The following USP33 variants were observed in gnomAD, a reference collection of about 807,000 sequenced individuals.
The protein encoded by USP33 is ubiquitin carboxyl-terminal hydrolase 33.
USP33 carries 46 observed loss-of-function variants against 124.2 expected under a neutral mutation model. The ratio of observed to expected loss-of-function variants is 0.37; its 90% CI spans 0.29 to 0.47. USP33 has a LOEUF of 0.47. Ranked by LOEUF, USP33 falls within the 20% of genes least tolerant of loss-of-function variation. The probability of loss-of-function intolerance (pLI) is 0.99; values close to 1 mark genes in which losing one functional copy is unlikely to be tolerated. For missense variants in USP33, 851 were observed against 1,070.6 expected, an observed-to-expected ratio of 0.79 and a Z score of 2.86; for synonymous variants, 350 against 352.3, an observed-to-expected ratio of 0.99 and a Z score of 0.07.
intron 21 of USP33, 175 bp downstream of exon 21, chr1:77,711,572 A>G (rs930559790): frequency 2.9e-5 from 29 of 1,016,064 alleles, no homozygotes; most frequent in Non-Finnish European, 3.8e-5. Flanking sequence ...AAGGGAGAAC[A>G]TAACTCAACA....
chr1:77,737,264 G>A (rs1354576172), intron 5 of USP33, among the ~76,000 whole-genome samples: 1 of 152,142 alleles, frequency 6.6e-6, no homozygotes, highest in Non-Finnish European at 1.5e-5. Flanking sequence ...CTAAAATGCA[G>A]GCATATGCAC....
intron 11 of USP33, among the ~76,000 whole-genome samples, chr1:77,725,391 T>C (rs1677048089): frequency 6.6e-6 from 1 of 152,214 alleles, no homozygotes; most frequent in Non-Finnish European, 1.5e-5. Context: ...GCTGCAAGTG[T>C]TAAAATTCAT....
At chr1:77,713,679 G>A (rs1333595753) in intron 19 of USP33, among the ~76,000 whole-genome samples, 1 of 149,362 alleles carries the variant, frequency 6.7e-6, no homozygotes, top group Admixed American at 6.7e-5. Context: ...TTAGAGGCAT[G>A]AGCCATTGTG....
chr1:77,752,391 G>A (rs759101006), intron 1 of USP33, among the ~76,000 whole-genome samples: 1 of 151,872 alleles, frequency 6.6e-6, no homozygotes, highest in Non-Finnish European at 1.5e-5. Flanking sequence ...CACCCACCTC[G>A]GCCTCCCAAA....
chr1:77,758,876 C>A (rs1681053570), intron 1 of USP33, among the ~76,000 whole-genome samples: 1 of 152,176 alleles, frequency 6.6e-6, no homozygotes, highest in South Asian at 2.1e-4. Flanking sequence ...CAGAATTTCA[C>A]CCTCTGGCTC....
intron 11 of USP33, among the ~76,000 whole-genome samples, chr1:77,724,417 T>C (rs768560332): frequency 6.6e-6 from 1 of 152,228 alleles, no homozygotes; most frequent in Admixed American, 6.5e-5. Flanking sequence ...TAATGGATCA[T>C]GCTTTTAATG....
intron 1 of USP33, among the ~76,000 whole-genome samples, chr1:77,753,795 T>C (rs1680559479): frequency 6.7e-6 from 1 of 150,134 alleles, no homozygotes; most frequent in East Asian, 1.9e-4. Context: ...TAATATATAA[T>C]ATTTTAAACT....
chr1:77,754,127 C>CACAGAGGTTGGGTAACTGTCAG (rs1680590061), intron 1 of USP33, among the ~76,000 whole-genome samples: 1 of 152,130 alleles, frequency 6.6e-6, no homozygotes, highest in South Asian at 2.1e-4. Flanking sequence ...ATAATTGTTA[C>CACAGAGGTTGGGTAACTGTCAG]ACAGAGGTTG....
chr1:77,704,454 A>G (rs1674391857), intron 21 of USP33, among the ~76,000 whole-genome samples: 1 of 152,210 alleles, frequency 6.6e-6, no homozygotes, highest in South Asian at 2.1e-4. Context: ...TTTGGTATTA[A>G]GAAGTTACTT....
At position 77,748,713 on chromosome 1, in the gene USP33, T is replaced by C. The variant is rs1381482772; in HGVS notation, c.-51-6965A>G. Among the ~76,000 whole-genome samples the C allele has an allele frequency of 3.3e-5, 5 of 151,786 alleles. No homozygotes were observed. The East Asian group carries it at 7.7e-4, about 23-fold the overall frequency. On this transcript the variant is annotated intron_variant, in intron 1 of 23. Transcript: ENST00000370794. The stretch of plus-strand genomic sequence containing the variant: ...GGTCTTGATGAACTATGGCTAATAT[T>C]GTATTTAGAAATTTTGCATTTCTGG...
intron 16 of USP33, 84 bp downstream of exon 16, chr1:77,718,512 A>G: frequency 1.8e-6 from 2 of 1,103,304 alleles, no homozygotes; most frequent in Non-Finnish European, 2.7e-6. Flanking sequence ...AACCAAGCAA[A>G]GAGAATTTAT....
At chr1:77,741,570 A>G in intron 2 of USP33, 47 bp downstream of exon 2, 1 of 1,556,870 alleles carries the variant, frequency 6.4e-7, no homozygotes, top group Non-Finnish European at 8.6e-7. Flanking sequence ...TACACATTCA[A>G]GAGAAAAGTG....
chr1:77,749,193 C>T (rs201904049), intron 1 of USP33, among the ~76,000 whole-genome samples: 1 of 152,052 alleles, frequency 6.6e-6, no homozygotes, highest in East Asian at 1.9e-4. Context: ...TTACTCATTC[C>T]CAATCTTGTA....
chr1:77,713,687 G>C (rs1421614477), intron 19 of USP33, among the ~76,000 whole-genome samples: 1 of 147,958 alleles, frequency 6.8e-6, no homozygotes, highest in African/African-American at 2.5e-5. Flanking sequence ...ATGAGCCATT[G>C]TGTCTGGCCA....
Position 77,707,963 on chromosome 1 carries a change from T to A in USP33, c.2406+3784A>T, listed in dbSNP as rs145754762. ...TATACTCTCTGAACTAAAAGATTTA[T>A]GAACATCATTTAGAAATAGGTATAG... On this transcript the variant is annotated intron_variant, in intron 21 of 23. Transcript: ENST00000370794. 3.9e-5 allele frequency among the ~76,000 whole-genome samples: 6 copies of A among 152,358 alleles called. No individual in the cohort carries two copies. The East Asian group carries it at 1.2e-3, about 29-fold the overall frequency.
At chr1:77,752,643 G>A (rs1347691053) in intron 1 of USP33, among the ~76,000 whole-genome samples, 1 of 152,138 alleles carries the variant, frequency 6.6e-6, no homozygotes, top group Admixed American at 6.6e-5. Flanking sequence ...ATGAATGCAG[G>A]AGGTCTTCAC....
intron 1 of USP33, among the ~76,000 whole-genome samples, chr1:77,755,443 C>A (rs760023388): frequency 2.0e-5 from 3 of 152,210 alleles, no homozygotes; most frequent in Non-Finnish European, 2.9e-5. Flanking sequence ...TGCCTGTAAT[C>A]CCAGCACTTT....
At chr1:77,733,513 T>C (rs1267298013) in intron 7 of USP33, among the ~76,000 whole-genome samples, 1 of 152,146 alleles carries the variant, frequency 6.6e-6, no homozygotes, top group African/African-American at 2.4e-5. Flanking sequence ...AGGCAAAATA[T>C]TTATGGAGGG....
intron 1 of USP33, among the ~76,000 whole-genome samples, chr1:77,749,807 C>T (rs1221982363): frequency 6.6e-6 from 1 of 152,140 alleles, no homozygotes; most frequent in Non-Finnish European, 1.5e-5. Context: ...ATGTTCTTCT[C>T]ACTGCTTTTT....
Sources: gnomAD v4.1 joint callset for allele counts (sites outside exome capture counted in the v4.1 genomes callset) on GRCh38, gnomAD v4.1.1 for gene constraint, MANE v1.5 for transcripts, NCBI Gene and HGNC (gene_info 2026-07-23, HGNC 2026-07-21) for gene names.